TENM2: variants seen among roughly 807,000 people sequenced by gnomAD.
TENM2 encodes the protein teneurin transmembrane protein 2.
A neutral mutation model predicts 245.2 loss-of-function variants in TENM2; 52 were observed. The ratio of observed to expected loss-of-function variants is 0.21; its 90% CI spans 0.17 to 0.27. TENM2 has a LOEUF of 0.27. Among genes scored for constraint, TENM2 ranks in the 10% least tolerant of loss-of-function variants. The pLI is 1.00. For synonymous variants in TENM2, 1,363 were observed against 1,438.9 expected (o/e 0.95, Z 1.19); for missense variants, 3,046 against 3,666.8 (o/e 0.83, Z 4.37).
chr5:167,251,999 A>C, the TENM2 span, among the ~76,000 whole-genome samples: 1 of 152,142 alleles, frequency 6.6e-6, no homozygotes, highest in Non-Finnish European at 1.5e-5. Flanking sequence ...ATTCCTACCA[A>C]AGATTTCTCA....
Position 167,713,154 on chromosome 5 carries a change from C to T in TENM2, c.503-162832C>T, listed in dbSNP as rs76470497. Among the ~76,000 whole-genome samples the T allele has an allele frequency of 2.7e-3, 411 of 151,950 alleles. 2 individuals are homozygous for T. The highest frequency in any genetic ancestry group is 6.8e-3 in the Middle Eastern group (2 of 294). ...TAGTGTTTGTATTTTGCAGTGAGTGCGCCAGTTCATAATCTATGTTTATTA... is the reference window on the plus strand; with the variant it reads ...TAGTGTTTGTATTTTGCAGTGAGTGTGCCAGTTCATAATCTATGTTTATTA... On this transcript the variant is annotated intron_variant, in intron 2 of 28. Transcript: ENST00000518659.
intron 3 of TENM2, among the ~76,000 whole-genome samples, chr5:167,880,806 C>A (rs1448712495): frequency 6.6e-6 from 1 of 152,152 alleles, no homozygotes; most frequent in Admixed American, 6.5e-5. Context: ...AATAGAAAAA[C>A]CTTAGTTCTT....
the TENM2 span, among the ~76,000 whole-genome samples, chr5:166,979,185 G>GCAC: frequency 7.9e-3 from 1,089 of 137,840 alleles, 19 homozygotes; most frequent in African/African-American, 0.026. Flanking sequence ...AGCAGCAGCA[G>GCAC]CACCACCACC....
At chr5:167,541,772 T>C (rs1358751888) in intron 2 of TENM2, among the ~76,000 whole-genome samples, 5 of 152,148 alleles carry the variant, frequency 3.3e-5, no homozygotes, top group African/African-American at 7.2e-5. Flanking sequence ...TCTGAAACAA[T>C]GTGCATTAGG....
intron 6 of TENM2, among the ~76,000 whole-genome samples, chr5:168,052,095 A>G (rs1004350351): frequency 6.6e-6 from 1 of 151,858 alleles, no homozygotes; most frequent in Non-Finnish European, 1.5e-5. Flanking sequence ...CCTCATCCCT[A>G]TTTTTAAAAA....
chr5:167,602,508 G>A (rs1367349095), intron 2 of TENM2, among the ~76,000 whole-genome samples: 1 of 152,092 alleles, frequency 6.6e-6, no homozygotes. Context: ...AGTGTTTTTG[G>A]TCACGGTTAG....
At chr5:167,101,853 A>ATT in the TENM2 span, among the ~76,000 whole-genome samples, 14 of 122,760 alleles carry the variant, frequency 1.1e-4, 1 homozygote, top group African/African-American at 3.5e-4. Flanking sequence ...ATATATTTAT[A>ATT]TATATATATA....
intron 12 of TENM2, among the ~76,000 whole-genome samples, chr5:168,144,621 A>G (rs371558928): frequency 6.6e-6 from 1 of 151,018 alleles, no homozygotes; most frequent in African/African-American, 2.5e-5. Context: ...TGCTATTGTG[A>G]ATAATGCCGC....
chr5:168,185,944 ATATATATATATATATATATATTTGAATT>A (rs1760371739), intron 13 of TENM2, among the ~76,000 whole-genome samples: 2 of 4,468 alleles, frequency 4.5e-4, no homozygotes, highest in African/African-American at 4.4e-3. Context: ...ATATATATAT[ATATATATATATATATATATATTTGAATT>A]TATATATATA....
intron 2 of TENM2, among the ~76,000 whole-genome samples, chr5:167,557,335 G>T (rs2127633627): frequency 6.6e-6 from 1 of 152,278 alleles, no homozygotes; most frequent in South Asian, 2.1e-4. Flanking sequence ...TTCTACAAGG[G>T]TAGGAAAGCA....
chr5:168,171,157 C>A (rs570507511), intron 13 of TENM2, among the ~76,000 whole-genome samples: 1 of 152,250 alleles, frequency 6.6e-6, no homozygotes, highest in Non-Finnish European at 1.5e-5. Context: ...ACGAAGTCTT[C>A]CTCTGTGTCT....
At chr5:167,087,019 G>A in the TENM2 span, among the ~76,000 whole-genome samples, 1 of 151,384 alleles carries the variant, frequency 6.6e-6, no homozygotes, top group East Asian at 1.9e-4. Flanking sequence ...TCTGGGGTGG[G>A]GTCCATGTAT....
chr5:167,738,079 C>T (rs1409124443), intron 2 of TENM2, among the ~76,000 whole-genome samples: 1 of 152,202 alleles, frequency 6.6e-6, no homozygotes, highest in Non-Finnish European at 1.5e-5. Flanking sequence ...TTTATTTTGT[C>T]CTTGCTTTTC....
chr5:168,043,564 TG>T (rs554096709), intron 5 of TENM2, among the ~76,000 whole-genome samples: 174 of 152,368 alleles, frequency 1.1e-3, no homozygotes, highest in African/African-American at 4.0e-3. Flanking sequence ...CCTAAAGGGA[TG>T]CACAGAGATT....
chr5:167,415,046 T>G (rs1435931889), intron 2 of TENM2, among the ~76,000 whole-genome samples: 1 of 152,036 alleles, frequency 6.6e-6, no homozygotes, highest in Non-Finnish European at 1.5e-5. Context: ...TGGTTCTCTT[T>G]CCTCACAAGT....
intron 10 of TENM2, among the ~76,000 whole-genome samples, chr5:168,121,359 G>A (rs775746088): frequency 1.6e-4 from 24 of 152,196 alleles, no homozygotes; most frequent in Non-Finnish European, 2.4e-4. Context: ...CTCTAAGGAC[G>A]TGGCCACAAG....
upstream of TENM2, among the ~76,000 whole-genome samples, chr5:167,280,681 C>T (rs548522860): frequency 1.4e-4 from 22 of 152,120 alleles, no homozygotes; most frequent in South Asian, 1.9e-3. Context: ...CTTTTGTTGT[C>T]TGTGCCCATT....
At chr5:167,686,533 C>T (rs552301059) in intron 2 of TENM2, among the ~76,000 whole-genome samples, 1 of 152,204 alleles carries the variant, frequency 6.6e-6, no homozygotes, top group South Asian at 2.1e-4. Context: ...AAAATGGAAA[C>T]GTTTACAAAA....
intron 3 of TENM2, among the ~76,000 whole-genome samples, chr5:167,877,391 C>A (rs529206735): frequency 6.6e-6 from 1 of 152,078 alleles, no homozygotes; most frequent in African/African-American, 2.4e-5. Context: ...AACTCATATT[C>A]TTTTTCAAAA....
Sources: allele counts gnomAD v4.1 joint callset (sites outside exome capture counted in the v4.1 genomes callset), GRCh38; gene constraint gnomAD v4.1.1; transcripts MANE v1.5; gene names NCBI Gene and HGNC (gene_info 2026-07-23, HGNC 2026-07-21).